The following BMP6 variants were observed in gnomAD, a reference collection of about 807,000 sequenced individuals.
BMP6 encodes the protein bone morphogenetic protein 6.
BMP6 carries 17 observed loss-of-function variants against 54.1 expected under a neutral mutation model. That is an observed-to-expected ratio of 0.31 (90% CI 0.22 to 0.47). The LOEUF (loss-of-function observed/expected upper bound fraction) is 0.47, where lower values mean the gene tolerates loss of function less well. BMP6 is among the 20% of genes least tolerant of loss of function. The probability of loss-of-function intolerance (pLI) is 1.00; values close to 1 mark genes in which losing one functional copy is unlikely to be tolerated. For missense variants in BMP6, 720 were observed against 690.4 expected, an observed-to-expected ratio of 1.04 and a Z score of -0.48; for synonymous variants, 328 against 291.2, an observed-to-expected ratio of 1.13 and a Z score of -1.28.
chr6:7,834,676 A>G (rs1758846803), intron 1 of BMP6, among the ~76,000 whole-genome samples: 1 of 152,030 alleles, frequency 6.6e-6, no homozygotes, highest in Non-Finnish European at 1.5e-5. Flanking sequence ...TGCCAACCCA[A>G]AAAAAATAAG....
chr6:7,783,544 A>C (rs980599784), intron 1 of BMP6, among the ~76,000 whole-genome samples: 2 of 152,282 alleles, frequency 1.3e-5, no homozygotes, highest in Admixed American at 6.5e-5. Flanking sequence ...AACTCAAAAC[A>C]ATTCGTAAGA....
At chr6:7,759,894 G>T (rs1326918187) in intron 1 of BMP6, among the ~76,000 whole-genome samples, 1 of 151,102 alleles carries the variant, frequency 6.6e-6, no homozygotes, top group African/African-American at 2.4e-5. Context: ...AGTAGAGATG[G>T]GGTTTCACCA....
At position 7,850,476 on chromosome 6, in the gene BMP6, A is replaced by G. The variant is rs1404230071; in HGVS notation, c.857+5144A>G. Reference sequence around the variant, plus strand: ...TAAAACAGGAAGATTTCCTCAGGCAAGCACAGGAGGCTGCTGTTGGAGTCT... The same window carrying G: ...TAAAACAGGAAGATTTCCTCAGGCAGGCACAGGAGGCTGCTGTTGGAGTCT... On this transcript the variant is annotated intron_variant, in intron 2 of 6. Transcript: ENST00000283147. Among the ~76,000 whole-genome samples the G allele has an allele frequency of 2.0e-5, 3 of 152,208 alleles. 1 individual carries two copies. Among genetic ancestry groups the G allele is most frequent in the African/African-American group, 4.8e-5 (2 of 41,448 alleles).
At chr6:7,828,606 C>T (rs531318669) in intron 1 of BMP6, among the ~76,000 whole-genome samples, 1 of 152,314 alleles carries the variant, frequency 6.6e-6, no homozygotes, top group Admixed American at 6.5e-5. Context: ...TCCTTCAGGT[C>T]CGGATGGGTG....
rs143768400 is a variant in BMP6, at chr6:7,767,313, C to T, written c.664+39694C>T. ...TTAAAGATGTTTTATGCTTATTGTG[C>T]TTTTTATAAAAGATAGCAACAATCT... On this transcript the variant is annotated intron_variant, in intron 1 of 6. Coordinates refer to ENST00000283147, the MANE Select transcript of BMP6 (RefSeq NM_001718.6). Among the ~76,000 whole-genome samples the T allele has an allele frequency of 3.5e-3, 531 of 152,170 alleles. 13 individuals are homozygous for T. The highest frequency in any genetic ancestry group is 1.4e-3 in the East Asian group (7 of 5,184).
At chr6:7,770,390 C>G (rs1247343611) in intron 1 of BMP6, among the ~76,000 whole-genome samples, 2 of 152,044 alleles carry the variant, frequency 1.3e-5, no homozygotes, top group African/African-American at 4.8e-5. Flanking sequence ...TGACTGGAAC[C>G]ACATGTAACA....
At chr6:7,838,424 G>A (rs1374395162) in intron 1 of BMP6, among the ~76,000 whole-genome samples, 2 of 152,000 alleles carry the variant, frequency 1.3e-5, no homozygotes, top group Non-Finnish European at 2.9e-5. Flanking sequence ...TGAGAACATC[G>A]CCAGTCTCAC....
At chr6:7,824,248 G>A (rs1158773304) in intron 1 of BMP6, among the ~76,000 whole-genome samples, 1 of 152,198 alleles carries the variant, frequency 6.6e-6, no homozygotes, top group Non-Finnish European at 1.5e-5. Context: ...TGTTGTGGTT[G>A]GCTGAAGATA....
At chr6:7,809,792 A>G (rs946453718) in intron 1 of BMP6, among the ~76,000 whole-genome samples, 5 of 152,226 alleles carry the variant, frequency 3.3e-5, no homozygotes, top group African/African-American at 4.8e-5. Flanking sequence ...AGCTTGCAAA[A>G]AAGACTTGCT....
intron 1 of BMP6, among the ~76,000 whole-genome samples, chr6:7,805,473 G>T (rs920077486): frequency 6.6e-6 from 1 of 152,132 alleles, no homozygotes; most frequent in East Asian, 1.9e-4. Flanking sequence ...ATTCTTTGTG[G>T]TTTTCTATTA....
Position 7,856,120 on chromosome 6 carries a change from T to TAAAAAAA in BMP6, c.858-5313_858-5307dup, listed in dbSNP as rs56264814. 3.0e-3 allele frequency among the ~76,000 whole-genome samples: 247 copies of TAAAAAAA among 83,620 alleles called. 6 individuals are homozygous for TAAAAAAA. The highest frequency in any genetic ancestry group is 0.011 in the Middle Eastern group (1 of 92). 54.9% of individuals were successfully genotyped at this position (83,620 alleles called of 152,430 possible). A position where few individuals can be genotyped will look rare whatever the true frequency, so the allele number is the denominator to read the frequency against. ...GAAAATTGAGTAATATCAAAGACTG[T>TAAAAAAA]AAAAAAAAAAAAAAAAAAAAAAAAT... On this transcript the variant is annotated intron_variant, in intron 2 of 6. Coordinates refer to ENST00000283147, the MANE Select transcript of BMP6 (RefSeq NM_001718.6).
chr6:7,744,799 C>T (rs1296363252), intron 1 of BMP6, among the ~76,000 whole-genome samples: 1 of 152,128 alleles, frequency 6.6e-6, no homozygotes, highest in Non-Finnish European at 1.5e-5. Flanking sequence ...TCTGGGATGC[C>T]CCAGATCTGT....
intron 1 of BMP6, among the ~76,000 whole-genome samples, chr6:7,780,977 C>T (rs1757934513): frequency 6.6e-6 from 1 of 152,210 alleles, no homozygotes; most frequent in Non-Finnish European, 1.5e-5. Flanking sequence ...TCCCAAAGTG[C>T]TGGGATTACA....
chr6:7,797,077 C>G (rs776015883), intron 1 of BMP6, among the ~76,000 whole-genome samples: 2 of 152,168 alleles, frequency 1.3e-5, no homozygotes, highest in Non-Finnish European at 2.9e-5. Context: ...TAAGTACTAC[C>G]TATTTGTAAT....
intron 1 of BMP6, among the ~76,000 whole-genome samples, chr6:7,779,767 C>G (rs1757914588): frequency 6.6e-6 from 1 of 152,088 alleles, no homozygotes; most frequent in African/African-American, 2.4e-5. Context: ...GGCCATTATT[C>G]TTATTTTAGA....
At chr6:7,851,190 T>C (rs1271392375) in intron 2 of BMP6, among the ~76,000 whole-genome samples, 2 of 152,208 alleles carry the variant, frequency 1.3e-5, no homozygotes, top group Non-Finnish European at 2.9e-5. Flanking sequence ...TTGCACTAAA[T>C]CTAGAGATCA....
chr6:7,782,541 T>A (rs890341968), intron 1 of BMP6, among the ~76,000 whole-genome samples: 52 of 152,162 alleles, frequency 3.4e-4, no homozygotes, highest in African/African-American at 1.2e-3. Context: ...TGAAACCCTG[T>A]CTCTACTAGC....
intron 2 of BMP6, among the ~76,000 whole-genome samples, chr6:7,853,838 T>A (rs1393803834): frequency 6.6e-6 from 1 of 152,114 alleles, no homozygotes; most frequent in Non-Finnish European, 1.5e-5. Context: ...GTTCAGGTTA[T>A]GTAACTGGTT....
At chr6:7,809,562 C>G (rs1353353287) in intron 1 of BMP6, among the ~76,000 whole-genome samples, 1 of 152,174 alleles carries the variant, frequency 6.6e-6, no homozygotes, top group Non-Finnish European at 1.5e-5. Flanking sequence ...TAAATGCAGA[C>G]TAACTGCTTT....
Sources: allele counts gnomAD v4.1 joint callset (sites outside exome capture counted in the v4.1 genomes callset), GRCh38; gene constraint gnomAD v4.1.1; transcripts MANE v1.5; gene names NCBI Gene and HGNC (gene_info 2026-07-23, HGNC 2026-07-21).